Variants in UGT1A7 observed in about 807,000 individuals in gnomAD.
UGT1A7 encodes UDP-glucuronosyltransferase 1A7.
Under a neutral mutation model 45.6 loss-of-function variants are expected in UGT1A7, and 33 were observed. That is an observed-to-expected ratio of 0.72 (90% CI 0.55 to 0.97). UGT1A7 has a LOEUF of 0.97. UGT1A7 is among the 50% of genes least tolerant of loss of function. UGT1A7 has a pLI of 0.00. For missense variants in UGT1A7, 684 were observed against 666.2 expected, an observed-to-expected ratio of 1.03 and a Z score of -0.29; for synonymous variants, 274 against 250.6, an observed-to-expected ratio of 1.09 and a Z score of -0.88.
chr2:233,718,792 A>C (rs766693959), intron 1 of UGT1A7: 2 of 1,613,154 alleles, frequency 1.2e-6, no homozygotes, highest in Non-Finnish European at 8.5e-7. Context: ...CGTGGGGTGG[A>C]CAGTCAGCTG....
chr2:233,760,246 A>G lies in UGT1A7; in HGVS notation c.856-6788A>G. 2.5e-6 allele frequency: 4 copies of G among 1,608,942 alleles called. No individual in the cohort carries two copies. In the South Asian group the frequency reaches 3.3e-5, roughly 13 times the overall value. On this transcript the variant is annotated intron_variant, in intron 1 of 4. Coordinates refer to ENST00000373426, the MANE Select transcript of UGT1A7 (RefSeq NM_019077.3). ...ATTGGTTTTTGCCATATATATATAT[A>G]TAAGTAGGAGAGGGCGAACCTCTGG...
chr2:233,724,510 A>G (rs868470469), intron 1 of UGT1A7, among the ~76,000 whole-genome samples: 2,447 of 111,674 alleles, frequency 0.022, 174 homozygotes, highest in African/African-American at 0.087. Context: ...GACGCTCCTC[A>G]CCTCCCAGAT....
At chr2:233,699,418 A>G (rs1463010135) in intron 1 of UGT1A7, among the ~76,000 whole-genome samples, 5 of 152,178 alleles carry the variant, frequency 3.3e-5, no homozygotes, top group African/African-American at 1.2e-4. Context: ...TTTGCATTTC[A>G]TTATTAGAAG....
chr2:233,771,102 C>T (rs1210654201), intron 4 of UGT1A7: 9 of 152,162 alleles, frequency 5.9e-5, no homozygotes, highest in Non-Finnish European at 1.3e-4. Context: ...AGGAAGACAG[C>T]ACTAAAGCAC....
At chr2:233,770,624 C>T (rs544443196) in intron 4 of UGT1A7, 1 of 151,460 alleles carries the variant, frequency 6.6e-6, no homozygotes, top group African/African-American at 2.4e-5. Flanking sequence ...TGCCACTCCA[C>T]TCCAGCCTGG....
chr2:233,759,342 C>T (rs1337999825), intron 1 of UGT1A7, among the ~76,000 whole-genome samples: 5 of 152,112 alleles, frequency 3.3e-5, no homozygotes, highest in African/African-American at 9.7e-5. Flanking sequence ...TTCAGGTGAG[C>T]GCTGAAAATC....
chr2:233,772,895 C>T lies in UGT1A7; in HGVS notation c.*336C>T. 1 of 493,846 alleles carries T rather than the reference C, an allele frequency of 2.0e-6. No homozygotes were observed. The highest frequency in any genetic ancestry group is 3.3e-6 in the Non-Finnish European group (1 of 304,584). 30.6% of individuals were successfully genotyped at this position (493,846 alleles called of 1,614,324 possible). A position where few individuals can be genotyped will look rare whatever the true frequency, so the allele number is the denominator to read the frequency against. ...GGAGTGCGGGATTCAAAGGTGGTCC[C>T]ACGGCTGCCCCTACTGCAAATGGCA... On this transcript the variant is annotated 3_prime_UTR_variant, in exon 5 of 5. Transcript: ENST00000373426.
At chr2:233,765,166 G>T (rs1228376175) in intron 1 of UGT1A7, among the ~76,000 whole-genome samples, 1 of 152,128 alleles carries the variant, frequency 6.6e-6, no homozygotes, top group Non-Finnish European at 1.5e-5. Flanking sequence ...CCCTCAGTTT[G>T]GGCAAGCCCT....
intron 4 of UGT1A7, chr2:233,770,249 C>T (rs1368624656): frequency 1.3e-5 from 2 of 152,160 alleles, no homozygotes; most frequent in Non-Finnish European, 2.9e-5. Flanking sequence ...TTCCAACACT[C>T]TGAGCTGGGG....
At chr2:233,736,493 CT>C (rs2078770083) in intron 1 of UGT1A7, among the ~76,000 whole-genome samples, 1 of 152,222 alleles carries the variant, frequency 6.6e-6, no homozygotes, top group African/African-American at 2.4e-5. Context: ...TACTACCAAA[CT>C]TCTGAAGCCT....
chr2:233,686,945 C>T (rs1438095246), intron 1 of UGT1A7, among the ~76,000 whole-genome samples: 1 of 152,326 alleles, frequency 6.6e-6, no homozygotes, highest in African/African-American at 2.4e-5. Flanking sequence ...TGCAGGGAAG[C>T]TGTCAGTAAT....
intron 1 of UGT1A7, chr2:233,742,605 G>A (rs1344042789): frequency 6.6e-6 from 1 of 151,892 alleles, no homozygotes; most frequent in Non-Finnish European, 1.5e-5. Context: ...TACCATAGTT[G>A]GAGAACCACG....
chr2:233,704,663 T>A (rs1022501388), intron 1 of UGT1A7, among the ~76,000 whole-genome samples: 1 of 152,200 alleles, frequency 6.6e-6, no homozygotes, highest in Non-Finnish European at 1.5e-5. Flanking sequence ...GTTCTTTTCC[T>A]TTGTTCTTAT....
At chr2:233,719,723 G>T (rs2076800151) in intron 1 of UGT1A7, 9 of 1,613,628 alleles carry the variant, frequency 5.6e-6, no homozygotes, top group Non-Finnish European at 6.8e-6. Flanking sequence ...CAATGTTCCA[G>T]GCAAAACACT....
chr2:233,747,095 T>C, intron 1 of UGT1A7: 1 of 1,292,004 alleles, frequency 7.7e-7, no homozygotes, highest in South Asian at 1.4e-5. Context: ...GAGCACTCTA[T>C]CTTCCAATTA....
At chr2:233,711,177 G>A (rs141849516) in intron 1 of UGT1A7, among the ~76,000 whole-genome samples, 37 of 152,320 alleles carry the variant, frequency 2.4e-4, no homozygotes, top group African/African-American at 3.4e-4. Flanking sequence ...CCAGGAATAT[G>A]AGCTACTCCC....
At chr2:233,691,003 G>T (rs1169331447) in intron 1 of UGT1A7, 16 of 994,078 alleles carry the variant, frequency 1.6e-5, no homozygotes, top group African/African-American at 1.7e-5. Context: ...AGGATTTTCA[G>T]AGCAAGGCTG....
chr2:233,763,534 C>A (rs545430015), intron 1 of UGT1A7, among the ~76,000 whole-genome samples: 1 of 152,066 alleles, frequency 6.6e-6, no homozygotes, highest in Non-Finnish European at 1.5e-5. Flanking sequence ...CTCCTTTTTC[C>A]GGATTTCTAC....
intron 1 of UGT1A7, chr2:233,708,380 G>C (rs2076016043): frequency 6.6e-6 from 1 of 152,024 alleles, no homozygotes; most frequent in African/African-American, 2.4e-5. Flanking sequence ...AACGTCTTTT[G>C]TGTGTGTGTG....
Sources: allele counts gnomAD v4.1 joint callset (sites outside exome capture counted in the v4.1 genomes callset), GRCh38; gene constraint gnomAD v4.1.1; transcripts MANE v1.5; gene names NCBI Gene and HGNC (gene_info 2026-07-23, HGNC 2026-07-21).